Variants in RBFOX1 observed in about 807,000 individuals in gnomAD.
RBFOX1 encodes the protein RNA binding protein fox-1 homolog 1.
Under a neutral mutation model 57.7 loss-of-function variants are expected in RBFOX1, and 8 were observed. That is an observed-to-expected ratio of 0.14 (90% CI 0.08 to 0.25). The LOEUF (loss-of-function observed/expected upper bound fraction) is 0.25. Among genes scored for constraint, RBFOX1 ranks in the 10% least tolerant of loss-of-function variants. The pLI is 1.00. For missense variants in RBFOX1, 611 were observed against 548.5 expected (o/e 1.11, Z -1.14); for synonymous variants, 326 against 222.4 (o/e 1.47, Z -4.15).
At chr16:5,352,157 T>G (rs1465291253) in intron 1 of RBFOX1, among the ~76,000 whole-genome samples, 1 of 152,154 alleles carries the variant, frequency 6.6e-6, no homozygotes, top group Non-Finnish European at 1.5e-5. Context: ...GTTTGATCTT[T>G]TTCAATTTAT....
intron 4 of RBFOX1, among the ~76,000 whole-genome samples, chr16:7,316,963 AACACAC>A (rs112548867): frequency 6.8e-6 from 1 of 146,886 alleles, no homozygotes; most frequent in Non-Finnish European, 1.5e-5. Flanking sequence ...AAGAAGACAG[AACACAC>A]ACACACACAC....
At chr16:5,962,850 T>C (rs1430980366) in intron 4 of RBFOX1, among the ~76,000 whole-genome samples, 1 of 147,146 alleles carries the variant, frequency 6.8e-6, no homozygotes, top group Non-Finnish European at 1.5e-5. Flanking sequence ...TATATAATGA[T>C]AATGGTGAGT....
At chr16:6,591,706 C>G (rs555559167) in intron 2 of RBFOX1, among the ~76,000 whole-genome samples, 3 of 152,128 alleles carry the variant, frequency 2.0e-5, no homozygotes, top group Admixed American at 1.3e-4. Context: ...AGCTTAATTT[C>G]TATCTAATTT....
At chr16:5,374,644 A>G (rs953052602) in intron 1 of RBFOX1, among the ~76,000 whole-genome samples, 2 of 151,136 alleles carry the variant, frequency 1.3e-5, no homozygotes, top group Admixed American at 1.3e-4. Flanking sequence ...GAGAGAGGGG[A>G]GTCTTTGAAC....
chr16:7,694,272 A>T (rs377617630), intron 14 of RBFOX1, among the ~76,000 whole-genome samples: 1 of 152,204 alleles, frequency 6.6e-6, no homozygotes, highest in Admixed American at 6.5e-5. Flanking sequence ...AGACACATAC[A>T]TTAAACTGAA....
intron 11 of RBFOX1, among the ~76,000 whole-genome samples, chr16:7,647,391 A>T (rs1360615806): frequency 2.0e-5 from 3 of 152,214 alleles, no homozygotes; most frequent in African/African-American, 7.2e-5. Context: ...AGGCTTCAGA[A>T]GGAATCTCTT....
At chr16:5,411,874 C>G (rs1008548599) in intron 1 of RBFOX1, among the ~76,000 whole-genome samples, 4 of 152,108 alleles carry the variant, frequency 2.6e-5, no homozygotes, top group African/African-American at 7.2e-5. Context: ...CAGAGTGAGA[C>G]CCTGTCTCAA....
chr16:5,570,608 G>A (rs920374045), intron 2 of RBFOX1, among the ~76,000 whole-genome samples: 3 of 152,170 alleles, frequency 2.0e-5, no homozygotes, highest in African/African-American at 7.2e-5. Context: ...GGGAGGCCAA[G>A]GAAGAAGGAT....
At chr16:5,419,465 C>A (rs1596976531) in intron 1 of RBFOX1, among the ~76,000 whole-genome samples, 2 of 152,056 alleles carry the variant, frequency 1.3e-5, no homozygotes, top group Middle Eastern at 3.4e-3. Flanking sequence ...TGGTGCCCAC[C>A]CAGATTGAGG....
intron 2 of RBFOX1, among the ~76,000 whole-genome samples, chr16:5,553,261 C>T (rs995811767): frequency 6.6e-6 from 1 of 151,776 alleles, no homozygotes; most frequent in African/African-American, 2.4e-5. Context: ...TACACATGTA[C>T]CCTAGAACTT....
At chr16:6,690,338 C>G (rs985965339) in intron 3 of RBFOX1, among the ~76,000 whole-genome samples, 8 of 151,890 alleles carry the variant, frequency 5.3e-5, no homozygotes, top group African/African-American at 1.7e-4. Context: ...ATCACCTATG[C>G]AATATACGTT....
intron 1 of RBFOX1, among the ~76,000 whole-genome samples, chr16:6,099,507 C>G (rs908148565): frequency 6.6e-6 from 1 of 152,118 alleles, no homozygotes; most frequent in East Asian, 1.9e-4. Flanking sequence ...ATGCTGATTG[C>G]TGATTGCCAG....
chr16:7,084,412 G>A (rs757128499), intron 4 of RBFOX1, among the ~76,000 whole-genome samples: 2 of 152,070 alleles, frequency 1.3e-5, no homozygotes, highest in Non-Finnish European at 2.9e-5. Context: ...TGTACACCTC[G>A]AAGAGGAAAA....
chr16:6,983,347 A>G (rs2089449905), intron 3 of RBFOX1, among the ~76,000 whole-genome samples: 1 of 152,212 alleles, frequency 6.6e-6, no homozygotes, highest in East Asian at 1.9e-4. Context: ...AGGAAAGTAC[A>G]GAATTATTGG....
intron 4 of RBFOX1, among the ~76,000 whole-genome samples, chr16:7,401,951 C>A (rs1013125452): frequency 6.6e-6 from 1 of 152,150 alleles, no homozygotes; most frequent in Non-Finnish European, 1.5e-5. Flanking sequence ...AGAGGAATGT[C>A]ATCTGTTAAT....
At position 6,953,489 on chromosome 16, in the gene RBFOX1, G is replaced by A. The variant is rs529047201; in HGVS notation, c.-15-98568G>A. The stretch of plus-strand genomic sequence containing the variant: ...CAACCTCCACCTCCTGGGTTCAAGC[G>A]ATTCTTCTGCTTCAGCCTCCCGAGT... On this transcript the variant is annotated intron_variant, in intron 3 of 15. Coordinates refer to ENST00000550418, the MANE Select transcript of RBFOX1 (RefSeq NM_018723.4). 5.9e-5 allele frequency among the ~76,000 whole-genome samples: 9 copies of A among 152,156 alleles called. No homozygotes were observed. In the East Asian group the frequency reaches 7.7e-4, roughly 13 times the overall value.
chr16:5,668,792 C>T (rs375953700), intron 3 of RBFOX1, among the ~76,000 whole-genome samples: 1 of 152,142 alleles, frequency 6.6e-6, no homozygotes, highest in African/African-American at 2.4e-5. Context: ...TCACCATTAT[C>T]TCGGAAATGC....
At chr16:6,841,767 C>G (rs1440831805) in intron 3 of RBFOX1, among the ~76,000 whole-genome samples, 2 of 152,076 alleles carry the variant, frequency 1.3e-5, no homozygotes, top group Admixed American at 1.3e-4. Flanking sequence ...GACCATGCAG[C>G]TTAAGGGTTC....
chr16:6,224,292 T>C (rs1191833508), intron 1 of RBFOX1, among the ~76,000 whole-genome samples: 1 of 152,110 alleles, frequency 6.6e-6, no homozygotes, highest in African/African-American at 2.4e-5. Flanking sequence ...TAAATTACCT[T>C]GGGCAGTATG....
Sources: gnomAD v4.1 joint callset for allele counts (sites outside exome capture counted in the v4.1 genomes callset) on GRCh38, gnomAD v4.1.1 for gene constraint, MANE v1.5 for transcripts, NCBI Gene and HGNC (gene_info 2026-07-23, HGNC 2026-07-21) for gene names.